The following MCM5 variants were observed in gnomAD, a reference collection of about 807,000 sequenced individuals.
MCM5 encodes minichromosome maintenance complex component 5.
MCM5 carries 46 observed loss-of-function variants against 79.9 expected under a neutral mutation model. The ratio of observed to expected loss-of-function variants is 0.58; its 90% CI spans 0.45 to 0.74. The LOEUF is 0.74. Ranked by LOEUF, MCM5 falls within the 30% of genes least tolerant of loss-of-function variation. The pLI is 0.00. For synonymous variants in MCM5, 404 were observed against 390.5 expected, an observed-to-expected ratio of 1.03 and a Z score of -0.41; for missense variants, 883 against 1,017.0, an observed-to-expected ratio of 0.87 and a Z score of 1.79.
the MCM5 span, among the ~76,000 whole-genome samples, chr22:35,433,311 A>G: frequency 6.6e-6 from 1 of 152,142 alleles, no homozygotes; most frequent in Non-Finnish European, 1.5e-5. Flanking sequence ...GTCACCATCC[A>G]TGTTATAGAT....
chr22:35,438,842 CCCATCCACCCACATATCCATCCATCCAT>C, the MCM5 span, among the ~76,000 whole-genome samples: 1 of 125,528 alleles, frequency 8.0e-6, no homozygotes, highest in Non-Finnish European at 1.7e-5. Flanking sequence ...CATCCATTCA[CCCATCCACCCACATATCCATCCATCCAT>C]CCATCCATCC....
chr22:35,442,416 T>C, the MCM5 span, among the ~76,000 whole-genome samples: 1 of 152,036 alleles, frequency 6.6e-6, no homozygotes, highest in African/African-American at 2.4e-5. Flanking sequence ...TATTCTCTTA[T>C]GTTTCTATTC....
At chr22:35,433,583 G>A in the MCM5 span, among the ~76,000 whole-genome samples, 16 of 152,316 alleles carry the variant, frequency 1.1e-4, no homozygotes, top group East Asian at 2.7e-3. Flanking sequence ...TGGTTGCCAC[G>A]TGTTGCCATT....
the MCM5 span, among the ~76,000 whole-genome samples, chr22:35,450,730 G>T: frequency 4.6e-5 from 7 of 152,174 alleles, no homozygotes. Context: ...GGCCTCGTCT[G>T]GGGCTCCCTA....
chr22:35,436,771 AATC>A, the MCM5 span, among the ~76,000 whole-genome samples: 18 of 152,232 alleles, frequency 1.2e-4, no homozygotes, highest in African/African-American at 3.9e-4. Context: ...GCCTGGCTGT[AATC>A]ATATCCCCAC....
intron 14 of MCM5, among the ~76,000 whole-genome samples, chr22:35,420,232 T>A (rs1271622440): frequency 3.9e-5 from 6 of 152,194 alleles, no homozygotes; most frequent in Non-Finnish European, 7.4e-5. Flanking sequence ...AGACCCCTCT[T>A]GTCTGAATTT....
At chr22:35,410,958 T>C (rs1932366960) in intron 7 of MCM5, 48 bp downstream of exon 7, 1 of 1,524,286 alleles carries the variant, frequency 6.6e-7, no homozygotes, top group African/African-American at 1.4e-5. Flanking sequence ...AAGGCTGTGC[T>C]TGCATACTTC....
At chr22:35,453,801 T>TAC in the MCM5 span, among the ~76,000 whole-genome samples, 6 of 86,068 alleles carry the variant, frequency 7.0e-5, no homozygotes, top group Non-Finnish European at 7.0e-5. Flanking sequence ...AGACAAAAGA[T>TAC]ATATATATAT....
rs1412102839 is a variant in MCM5 at position 35,421,345 on chromosome 22, G to A, written c.1860G>A (p.Ala620=). The change falls in exon 15 of 17, where the codon GCG becomes GCA. Residue 620 remains alanine, a synonymous_variant. Transcript: ENST00000216122. ...AGCTGGAGGCCATTGTGCGCATCGC[G>A]GAAGCCCTCAGCAAGATGAAGCTGC... ...VRQLEAIVRI[A]EALSKMKLQP... The A allele has an allele frequency of 1.1e-5, 18 of 1,613,660 alleles. 1 individual carries two copies. The highest frequency in any genetic ancestry group is 3.3e-5 in the South Asian group (3 of 91,086).
At chr22:35,430,873 T>C in the MCM5 span, among the ~76,000 whole-genome samples, 1 of 150,948 alleles carries the variant, frequency 6.6e-6, no homozygotes, top group East Asian at 1.9e-4. Context: ...GACTCTTACC[T>C]TGTCTCTAGC....
chr22:35,413,327 AGCCACC>A (rs1309202884), intron 8 of MCM5, among the ~76,000 whole-genome samples: 2 of 152,210 alleles, frequency 1.3e-5, no homozygotes, highest in African/African-American at 2.4e-5. Context: ...TACAGGCGTG[AGCCACC>A]GCACCCGGCC....
At chr22:35,417,342 TAAC>T (rs920248044) in intron 12 of MCM5, among the ~76,000 whole-genome samples, 5 of 152,184 alleles carry the variant, frequency 3.3e-5, no homozygotes, top group African/African-American at 1.2e-4. Flanking sequence ...GCTTGTAGCT[TAAC>T]AGCCCCCAGG....
chr22:35,414,005 C>T lies in MCM5; in HGVS notation c.1203+19C>T. On this transcript the variant is annotated intron_variant, in intron 9 of 16. Transcript: ENST00000216122. ...CATTGGGGTGAGTGGCCTGGGATAC[C>T]TTTGCCACCTTGGCTTGCAGGGAGG... 6.5e-7 allele frequency: 1 copy of T among 1,550,282 alleles called. No individual in the cohort carries two copies. The highest frequency in any genetic ancestry group is 8.9e-7 in the Non-Finnish European group (1 of 1,122,190).
chr22:35,414,986 C>T (rs1279704236), intron 9 of MCM5, among the ~76,000 whole-genome samples: 2 of 152,102 alleles, frequency 1.3e-5, no homozygotes. Context: ...GCCAAATTTG[C>T]CACACTGGCA....
At chr22:35,444,067 C>T in the MCM5 span, among the ~76,000 whole-genome samples, 1 of 152,054 alleles carries the variant, frequency 6.6e-6, no homozygotes, top group East Asian at 1.9e-4. Context: ...GAGCCTTGTG[C>T]CTGGCAGACA....
At chr22:35,416,213 T>G in intron 10 of MCM5, 126 bp from the exon 11 acceptor site, 1 of 1,003,032 alleles carries the variant, frequency 1.0e-6, no homozygotes, top group South Asian at 1.4e-5. Context: ...GTGACCTGGT[T>G]GCTGCCATTG....
At position 35,421,823 on chromosome 22, in the gene MCM5, C is replaced by G. The variant is rs887702324; in HGVS notation, c.1975+363C>G. On this transcript the variant is annotated intron_variant, in intron 15 of 16. Coordinates refer to ENST00000216122, the MANE Select transcript of MCM5 (RefSeq NM_006739.4). ...CTTGCATTTTGCCTTACAGCTGCCC[C>G]CTGGAAGCCAGGTGAGCAGTCAGTC... The G allele has an allele frequency of 8.7e-6, 3 of 344,810 alleles. No individual in the cohort carries two copies. The Admixed American group carries it at 1.2e-4, about 13-fold the overall frequency. 21.4% of individuals were successfully genotyped at this position (344,810 alleles called of 1,614,324 possible).
rs562170213 is a variant in MCM5 at position 35,416,939 on chromosome 22, T to G, written c.1590+125T>G. ...AGTCCTGACTGTCAGGCTGTGAAAT[T>G]GGGGAGCACGTGAGAGGGCGGTTGT... is the stretch of plus-strand genomic sequence containing the variant. On this transcript the variant is annotated intron_variant, in intron 12 of 16. Transcript: ENST00000216122. 1.7e-5 allele frequency: 19 copies of G among 1,119,518 alleles called. No homozygotes were observed. In the African/African-American group the frequency reaches 2.3e-4, roughly 14 times the overall value. 69.3% of individuals were successfully genotyped at this position (1,119,518 alleles called of 1,614,324 possible).
the MCM5 span, among the ~76,000 whole-genome samples, chr22:35,435,776 A>G: frequency 6.6e-6 from 1 of 152,178 alleles, no homozygotes; most frequent in African/African-American, 2.4e-5. Context: ...CTAGTCCTGC[A>G]TCTGCTGCAG....
Sources: gnomAD v4.1 joint callset for allele counts (sites outside exome capture counted in the v4.1 genomes callset) on GRCh38, gnomAD v4.1.1 for gene constraint, MANE v1.5 for transcripts, NCBI Gene and HGNC (gene_info 2026-07-23, HGNC 2026-07-21) for gene names.